RBMS3: variants seen among roughly 807,000 people sequenced by gnomAD.
RBMS3 encodes the protein RNA binding motif single stranded interacting protein 3, also known as RNA-binding motif, single-stranded-interacting protein 3.
RBMS3 carries 27 observed loss-of-function variants against 66.8 expected under a neutral mutation model. That is an observed-to-expected ratio of 0.40 (90% CI 0.30 to 0.56). The LOEUF is 0.56. RBMS3 is among the 20% of genes least tolerant of loss of function. The pLI is 0.40. For synonymous variants in RBMS3, 188 were observed against 183.0 expected (o/e 1.03, Z -0.22); for missense variants, 513 against 549.5 (o/e 0.93, Z 0.66).
chr3:29,294,239 C>A (rs2033061183), intron 1 of RBMS3, among the ~76,000 whole-genome samples: 1 of 151,766 alleles, frequency 6.6e-6, no homozygotes, highest in South Asian at 2.1e-4. Flanking sequence ...ATGTCATCTT[C>A]ACCTCTGTGA....
intron 4 of RBMS3, among the ~76,000 whole-genome samples, chr3:29,715,619 A>G (rs2053361094): frequency 6.6e-6 from 1 of 152,246 alleles, no homozygotes; most frequent in Non-Finnish European, 1.5e-5. Context: ...TGTATGTTCA[A>G]TGTGAAACCA....
In RBMS3 at chr3:29,297,281, G is replaced by A. The variant is rs535716913; in HGVS notation, c.75+15525G>A. 5.9e-5 allele frequency among the ~76,000 whole-genome samples: 9 copies of A among 151,744 alleles called. No homozygotes were observed. In the South Asian group the frequency reaches 1.0e-3, roughly 18 times the overall value. On this transcript the variant is annotated intron_variant, in intron 1 of 14. Transcript: ENST00000383767. ...CTAATAGTAATGTGTTTCAGTGTTC[G>A]GTGAAGAATGCCAATATATTAACAT...
At chr3:29,987,986 C>A in intron 12 of RBMS3, 157 bp from the exon 13 acceptor site, 1 of 593,312 alleles carries the variant, frequency 1.7e-6, no homozygotes, top group South Asian at 2.1e-5. Context: ...CCTTTCAATA[C>A]AGAGAGGAGC....
intron 1 of RBMS3, among the ~76,000 whole-genome samples, chr3:29,286,439 C>T (rs530344398): frequency 8.6e-5 from 13 of 151,870 alleles, no homozygotes; most frequent in East Asian, 1.9e-4. Flanking sequence ...GGAGTAGAAA[C>T]GTAAAAAGTT....
chr3:29,574,507 C>T (rs1176518289), intron 3 of RBMS3, among the ~76,000 whole-genome samples: 1 of 151,618 alleles, frequency 6.6e-6, no homozygotes, highest in Non-Finnish European at 1.5e-5. Context: ...CTTATTTTTT[C>T]ATCCATTTAG....
intron 3 of RBMS3, among the ~76,000 whole-genome samples, chr3:29,540,936 C>G (rs1266185615): frequency 6.6e-6 from 1 of 152,084 alleles, no homozygotes; most frequent in Non-Finnish European, 1.5e-5. Flanking sequence ...GAAGTGTTTC[C>G]CTACTCCCCT....
intron 3 of RBMS3, among the ~76,000 whole-genome samples, chr3:29,571,368 T>C (rs549927804): frequency 2.6e-5 from 4 of 151,994 alleles, no homozygotes; most frequent in African/African-American, 9.6e-5. Flanking sequence ...GTTGCCTGTG[T>C]TTCTCCAATG....
At chr3:29,336,293 C>A (rs939060680) in intron 1 of RBMS3, among the ~76,000 whole-genome samples, 3 of 152,110 alleles carry the variant, frequency 2.0e-5, no homozygotes, top group Admixed American at 1.3e-4. Context: ...CTCAAGGATG[C>A]TTTCTGATCC....
intron 1 of RBMS3, among the ~76,000 whole-genome samples, chr3:29,359,138 AATGCT>A (rs1398292998): frequency 6.6e-6 from 1 of 152,154 alleles, no homozygotes; most frequent in Non-Finnish European, 1.5e-5. Context: ...TTTCAAAGGG[AATGCT>A]TCCAGTTTTT....
At chr3:29,283,751 G>A (rs1460046405) in intron 1 of RBMS3, among the ~76,000 whole-genome samples, 7 of 152,144 alleles carry the variant, frequency 4.6e-5, no homozygotes, top group Non-Finnish European at 8.8e-5. Flanking sequence ...GCCTATCATG[G>A]TAGTTCACAT....
chr3:29,982,215 G>A (rs1349023796), intron 12 of RBMS3, among the ~76,000 whole-genome samples: 1 of 152,106 alleles, frequency 6.6e-6, no homozygotes, highest in Admixed American at 6.6e-5. Flanking sequence ...TTGCATAGAG[G>A]TGTTTATAGT....
At position 29,540,811 on chromosome 3, in the gene RBMS3, A is replaced by G. The variant is rs78111173; in HGVS notation, c.308-46303A>G. ...TTTCGGTTGATGTCTGGGAGCAGAA[A>G]ACTGCTAGCTATACCCATAATATTT... is the stretch of plus-strand genomic sequence containing the variant. On this transcript the variant is annotated intron_variant, in intron 3 of 14. Coordinates refer to ENST00000383767, the MANE Select transcript of RBMS3 (RefSeq NM_001003793.3). Among the ~76,000 whole-genome samples, 624 of 152,280 alleles carry G rather than the reference A, an allele frequency of 4.1e-3. 6 individuals are homozygous for G. Among genetic ancestry groups the G allele is most frequent in the African/African-American group, 0.015 (605 of 41,554 alleles).
At chr3:29,367,535 A>G (rs1330786079) in intron 1 of RBMS3, among the ~76,000 whole-genome samples, 1 of 152,134 alleles carries the variant, frequency 6.6e-6, no homozygotes, top group African/African-American at 2.4e-5. Flanking sequence ...ACATATATTG[A>G]TATTTATAAT....
chr3:29,601,299 A>G (rs2048134886), intron 4 of RBMS3, among the ~76,000 whole-genome samples: 1 of 152,022 alleles, frequency 6.6e-6, no homozygotes, highest in African/African-American at 2.4e-5. Context: ...TGAAATTCAT[A>G]TAATTCTTTA....
chr3:29,473,343 T>C (rs897693705), intron 2 of RBMS3, among the ~76,000 whole-genome samples: 1 of 152,288 alleles, frequency 6.6e-6, no homozygotes, highest in South Asian at 2.1e-4. Context: ...CCCACCAGAG[T>C]AGCTAGATAC....
intron 11 of RBMS3, among the ~76,000 whole-genome samples, chr3:29,936,539 T>A (rs2061269548): frequency 1.3e-5 from 2 of 152,118 alleles, no homozygotes; most frequent in African/African-American, 4.8e-5. Flanking sequence ...TGGTTTTCTC[T>A]TCCCAGCTGC....
chr3:29,588,683 C>T (rs889518520), intron 4 of RBMS3, among the ~76,000 whole-genome samples: 2 of 151,892 alleles, frequency 1.3e-5, no homozygotes, highest in African/African-American at 4.8e-5. Context: ...CAAGATTATG[C>T]CTAGAAGCTT....
intron 3 of RBMS3, among the ~76,000 whole-genome samples, chr3:29,543,123 C>T (rs1014642375): frequency 2.6e-5 from 4 of 152,154 alleles, no homozygotes; most frequent in Non-Finnish European, 5.9e-5. Flanking sequence ...AGCCATGTTT[C>T]TCTTTGACCT....
chr3:29,505,563 G>A (rs893680939), intron 3 of RBMS3, among the ~76,000 whole-genome samples: 4 of 146,556 alleles, frequency 2.7e-5, no homozygotes, highest in African/African-American at 7.7e-5. Flanking sequence ...TTGGCTGTTT[G>A]AGGAATACTG....
Sources: allele counts gnomAD v4.1 joint callset (sites outside exome capture counted in the v4.1 genomes callset), GRCh38; gene constraint gnomAD v4.1.1; transcripts MANE v1.5; gene names NCBI Gene and HGNC (gene_info 2026-07-23, HGNC 2026-07-21).